EHHADH: variants seen among roughly 807,000 people sequenced by gnomAD.
EHHADH encodes the protein peroxisomal bifunctional enzyme.
In EHHADH, 48 loss-of-function variants were observed where a neutral mutation model predicts 64.4. That is an observed-to-expected ratio of 0.75 (90% CI 0.59 to 0.95). The LOEUF (loss-of-function observed/expected upper bound fraction) is 0.95. Ranked by LOEUF, EHHADH falls within the 40% of genes least tolerant of loss-of-function variation. The pLI is 0.00. For missense variants in EHHADH, 854 were observed against 876.6 expected (o/e 0.97, Z 0.33); for synonymous variants, 308 against 326.7 (o/e 0.94, Z 0.62).
At chr3:185,244,069 T>A (rs1255095465) in intron 2 of EHHADH, among the ~76,000 whole-genome samples, 2 of 152,230 alleles carry the variant, frequency 1.3e-5, no homozygotes, top group African/African-American at 4.8e-5. Flanking sequence ...CAGCTATATC[T>A]TCTCCTTGTA....
chr3:185,211,996 C>T (rs1718551981), intron 5 of EHHADH, among the ~76,000 whole-genome samples: 2 of 152,186 alleles, frequency 1.3e-5, no homozygotes. Context: ...CATTAGGTTC[C>T]AGAGTTGACA....
intron 1 of EHHADH, 64 bp downstream of exon 1, chr3:185,253,885 T>C: frequency 6.3e-7 from 1 of 1,595,212 alleles, no homozygotes; most frequent in Non-Finnish European, 8.6e-7. Flanking sequence ...AGTCAAAGCC[T>C]CCGGAGCCAG....
At chr3:185,247,785 A>G (rs1289828181) in intron 2 of EHHADH, among the ~76,000 whole-genome samples, 1 of 152,220 alleles carries the variant, frequency 6.6e-6, no homozygotes, top group Non-Finnish European at 1.5e-5. Flanking sequence ...TAAGGAAAAG[A>G]CGCCATATAT....
chr3:185,192,142 A>C lies in EHHADH; in HGVS notation c.*84T>G. ...TTGCTTTGTATTTCAGAACAATCTTACTTTGGATTTTTGATTTAATTTCAC... is the reference window on the plus strand; with the variant it reads ...TTGCTTTGTATTTCAGAACAATCTTCCTTTGGATTTTTGATTTAATTTCAC... On this transcript the variant is annotated 3_prime_UTR_variant, in exon 7 of 7. Transcript: ENST00000231887. 7.0e-7 allele frequency: 1 copy of C among 1,421,300 alleles called. No individual in the cohort carries two copies. The highest frequency in any genetic ancestry group is 9.6e-7 in the Non-Finnish European group (1 of 1,045,126). 88.0% of individuals were successfully genotyped at this position (1,421,300 alleles called of 1,614,324 possible). A position where few individuals can be genotyped will look rare whatever the true frequency, so the allele number is the denominator to read the frequency against.
chr3:185,248,192 A>G, intron 2 of EHHADH: 1 of 497,970 alleles, frequency 2.0e-6, no homozygotes, highest in Non-Finnish European at 3.6e-6. Flanking sequence ...CTGGAACTAA[A>G]TATACTCTAA....
At chr3:185,243,723 A>G (rs1464410433) in intron 2 of EHHADH, among the ~76,000 whole-genome samples, 2 of 151,968 alleles carry the variant, frequency 1.3e-5, no homozygotes, top group Non-Finnish European at 2.9e-5. Flanking sequence ...GATTTTTTTG[A>G]ATTTGTTGAG....
At position 185,239,594 on chromosome 3, in the gene EHHADH, G is replaced by A. The variant is rs531134107; in HGVS notation, c.179-4132C>T. Among the ~76,000 whole-genome samples, 7 of 152,134 alleles carry A rather than the reference G, an allele frequency of 4.6e-5. No individual in the cohort carries two copies. The East Asian group carries it at 1.3e-3, about 29-fold the overall frequency. ...TTGGTTCTCAGCTTGAACGTTATTGGTGTATAGAATGCTACTGATTTTTGT... is the reference window on the plus strand; with the variant it reads ...TTGGTTCTCAGCTTGAACGTTATTGATGTATAGAATGCTACTGATTTTTGT... On this transcript the variant is annotated intron_variant, in intron 2 of 6. Transcript: ENST00000231887.
intron 5 of EHHADH, among the ~76,000 whole-genome samples, chr3:185,207,373 A>G (rs1718425729): frequency 6.6e-6 from 1 of 152,170 alleles, no homozygotes; most frequent in African/African-American, 2.4e-5. Flanking sequence ...GAGTCCTTAA[A>G]AGCAGAGAAT....
At chr3:185,234,658 T>C (rs1577371993) in intron 3 of EHHADH, among the ~76,000 whole-genome samples, 2 of 138,904 alleles carry the variant, frequency 1.4e-5, no homozygotes, top group Non-Finnish European at 3.2e-5. Context: ...AACAAGATCA[T>C]AGAGAGGCCC....
In EHHADH at chr3:185,253,900, C is replaced by A. The variant is rs547869108; in HGVS notation, c.74+49G>T. ...AGTCAAAGCCTCCGGAGCCAGAGGG[C>A]GGCTAAGGCCCGCACGGTCCCCGGG... On this transcript the variant is annotated intron_variant, in intron 1 of 6. Coordinates refer to ENST00000231887, the MANE Select transcript of EHHADH (RefSeq NM_001966.4). 17 of 1,604,228 alleles carry A rather than the reference C, an allele frequency of 1.1e-5. No individual in the cohort carries two copies. The Admixed American group carries it at 2.0e-4, about 19-fold the overall frequency.
At chr3:185,223,483 G>A (rs921895988) in intron 4 of EHHADH, among the ~76,000 whole-genome samples, 1 of 151,858 alleles carries the variant, frequency 6.6e-6, no homozygotes, top group Non-Finnish European at 1.5e-5. Flanking sequence ...TTTTAGAGTT[G>A]CAGTTGTTTT....
intron 2 of EHHADH, among the ~76,000 whole-genome samples, chr3:185,236,021 A>T (rs2108647290): frequency 6.6e-6 from 1 of 152,324 alleles, no homozygotes; most frequent in African/African-American, 2.4e-5. Flanking sequence ...TTTTATCTTC[A>T]ATAAAAATAA....
chr3:185,198,908 TGA>T (rs1300843712), intron 6 of EHHADH, among the ~76,000 whole-genome samples: 2 of 150,398 alleles, frequency 1.3e-5, no homozygotes, highest in Non-Finnish European at 2.9e-5. Flanking sequence ...ATTTTATATG[TGA>T]GTTACATTTC....
In EHHADH at chr3:185,193,127, C is replaced by T. The variant is rs202021589; in HGVS notation, c.1271G>A (p.Arg424His). 1.1e-4 allele frequency: 178 copies of T among 1,612,972 alleles called. No homozygotes were observed. The highest frequency in any genetic ancestry group is 3.3e-4 in the Middle Eastern group (2 of 6,072). ...DVDEIASSTD[R>H]PHLVIGTHFF... is the part of the protein sequence containing the mutation. ...GTGGGTGCCAATGACCAAGTGAGGA[C>T]GATCAGTGGAAGAAGCAATCTCATC... The change falls in exon 7 of 7, where the codon CGT becomes CAT. Residue 424 changes from arginine (R) to histidine (H), a missense_variant. By Grantham distance (29) the Arg-to-His change is conservative. Transcript: ENST00000231887.
chr3:185,225,486 C>T (rs1718949954), intron 4 of EHHADH, among the ~76,000 whole-genome samples: 1 of 152,126 alleles, frequency 6.6e-6, no homozygotes, highest in Non-Finnish European at 1.5e-5. Context: ...ATCATCTCTC[C>T]CTTGGATTAT....
At chr3:185,207,287 CA>C (rs34374992) in intron 5 of EHHADH, among the ~76,000 whole-genome samples, 3,090 of 122,778 alleles carry the variant, frequency 0.025, 89 homozygotes, top group African/African-American at 0.077. Context: ...GACCCCATTT[CA>C]AAAAAAAAAA....
chr3:185,213,334 A>G (rs1322635374), intron 5 of EHHADH, among the ~76,000 whole-genome samples: 5 of 152,020 alleles, frequency 3.3e-5, no homozygotes, highest in Non-Finnish European at 7.4e-5. Context: ...GATTTAATGA[A>G]TCAGAAAGTA....
At chr3:185,243,756 T>A (rs1017378461) in intron 2 of EHHADH, among the ~76,000 whole-genome samples, 2 of 152,202 alleles carry the variant, frequency 1.3e-5, no homozygotes, top group Non-Finnish European at 2.9e-5. Flanking sequence ...GCCAAGCATA[T>A]GATTTATTTT....
intron 5 of EHHADH, among the ~76,000 whole-genome samples, chr3:185,215,477 G>A (rs2108635915): frequency 6.6e-6 from 1 of 152,244 alleles, no homozygotes; most frequent in Middle Eastern, 3.4e-3. Context: ...CAGAAAGTAG[G>A]TCACTGGTTG....
Sources: gnomAD v4.1 joint callset for allele counts (sites outside exome capture counted in the v4.1 genomes callset) on GRCh38, gnomAD v4.1.1 for gene constraint, MANE v1.5 for transcripts, NCBI Gene and HGNC (gene_info 2026-07-23, HGNC 2026-07-21) for gene names.